Variants in RALYL observed in about 807,000 individuals in gnomAD.
RALYL encodes RALY RNA binding protein like, also known as RNA-binding Raly-like protein.
A neutral mutation model predicts 35.1 loss-of-function variants in RALYL; 29 were observed. That is an observed-to-expected ratio of 0.83 (90% CI 0.61 to 1.13). The LOEUF is 1.13. Ranked by LOEUF, RALYL falls within the 50% of genes most tolerant of loss-of-function variation. The probability of loss-of-function intolerance (pLI) is 0.00; values close to 1 mark genes in which losing one functional copy is unlikely to be tolerated. For missense variants in RALYL, 359 were observed against 360.4 expected, an observed-to-expected ratio of 1.00 and a Z score of 0.03; for synonymous variants, 120 against 127.6, an observed-to-expected ratio of 0.94 and a Z score of 0.40.
At chr8:84,561,322 A>T (rs1564148317) in intron 2 of RALYL, among the ~76,000 whole-genome samples, 2 of 152,030 alleles carry the variant, frequency 1.3e-5, no homozygotes, top group Non-Finnish European at 2.9e-5. Flanking sequence ...AGTTACCAGG[A>T]GTGAGACTGG....
intron 1 of RALYL, among the ~76,000 whole-genome samples, chr8:84,469,881 G>C (rs555359634): frequency 6.6e-6 from 1 of 152,258 alleles, no homozygotes; most frequent in South Asian, 2.1e-4. Context: ...CGCAGTATTC[G>C]GGTGGGAGTG....
At chr8:84,878,628 T>G (rs1841636188) in intron 7 of RALYL, among the ~76,000 whole-genome samples, 1 of 150,132 alleles carries the variant, frequency 6.7e-6, no homozygotes, top group African/African-American at 2.4e-5. Context: ...ACTAATACCC[T>G]CAGAGAAATG....
chr8:84,721,401 A>T (rs547982740), intron 2 of RALYL, among the ~76,000 whole-genome samples: 1 of 152,248 alleles, frequency 6.6e-6, no homozygotes, highest in South Asian at 2.1e-4. Context: ...TCATCAACAG[A>T]TGAATAAACA....
At position 84,921,173 on chromosome 8, in the gene RALYL, A is replaced by T. The variant is rs1849276026; in HGVS notation, c.*262A>T. On this transcript the variant is annotated 3_prime_UTR_variant, in exon 9 of 9. Coordinates refer to ENST00000521268, the MANE Select transcript of RALYL (RefSeq NM_173848.7). ...ATTATGTTTTTTTTTTCAGTCTTAA[A>T]ATGTGAAAGGCATTTATGAATGGTA... is the stretch of plus-strand genomic sequence containing the variant. 3.4e-6 allele frequency: 1 copy of T among 298,174 alleles called. No homozygotes were observed. Among genetic ancestry groups the T allele is most frequent in the Non-Finnish European group, 6.1e-6 (1 of 163,320 alleles). 18.5% of individuals were successfully genotyped at this position (298,174 alleles called of 1,614,324 possible).
intron 2 of RALYL, among the ~76,000 whole-genome samples, chr8:84,567,340 T>G (rs2061849950): frequency 6.6e-6 from 1 of 151,766 alleles, no homozygotes; most frequent in Non-Finnish European, 1.5e-5. Context: ...ACCCAGTAGG[T>G]AATTTTTCAA....
intron 2 of RALYL, among the ~76,000 whole-genome samples, chr8:84,687,623 A>T (rs1356660196): frequency 6.6e-6 from 1 of 152,134 alleles, no homozygotes; most frequent in Admixed American, 6.6e-5. Context: ...TAATTTAAAA[A>T]ATGTGTTGCA....
intron 1 of RALYL, among the ~76,000 whole-genome samples, chr8:84,410,761 T>A (rs1325021013): frequency 6.6e-6 from 1 of 151,738 alleles, no homozygotes; most frequent in Non-Finnish European, 1.5e-5. Flanking sequence ...GTTGCATGTA[T>A]ATTATCACTG....
In RALYL at chr8:84,463,074, C is replaced by A. The variant is rs1016157844; in HGVS notation, c.-23-66225C>A. Among the ~76,000 whole-genome samples the A allele has an allele frequency of 2.0e-5, 3 of 151,930 alleles. No homozygotes were observed. The South Asian group carries it at 6.2e-4, about 31-fold the overall frequency. ...TACAAATATTTGTACTCTTAAATGT[C>A]ATTGACTTTCATATTTGTTAGAGTG... On this transcript the variant is annotated intron_variant, in intron 1 of 8. Transcript: ENST00000521268.
chr8:84,753,640 G>A (rs562216857), intron 2 of RALYL, among the ~76,000 whole-genome samples: 1 of 152,094 alleles, frequency 6.6e-6, no homozygotes, highest in Non-Finnish European at 1.5e-5. Context: ...AGATCTGATT[G>A]TTTAAAAGTG....
intron 8 of RALYL, among the ~76,000 whole-genome samples, chr8:84,911,299 G>C (rs992158782): frequency 3.5e-4 from 53 of 152,054 alleles, no homozygotes; most frequent in African/African-American, 1.2e-3. Context: ...TCCTATGCAA[G>C]ATATGGTATT....
At chr8:84,659,654 G>A (rs1180292588) in intron 2 of RALYL, among the ~76,000 whole-genome samples, 2 of 152,200 alleles carry the variant, frequency 1.3e-5, no homozygotes, top group African/African-American at 4.8e-5. Flanking sequence ...TGGACTAGGA[G>A]TAGGTGGAGG....
intron 2 of RALYL, among the ~76,000 whole-genome samples, chr8:84,602,426 G>C (rs1415613978): frequency 6.6e-6 from 1 of 151,994 alleles, no homozygotes; most frequent in Non-Finnish European, 1.5e-5. Context: ...AGCTTTTGCA[G>C]TATTTCTCAT....
rs1274038770 is a variant in RALYL at position 84,468,240 on chromosome 8, G to A, written c.-23-61059G>A. On this transcript the variant is annotated intron_variant, in intron 1 of 8. Coordinates refer to ENST00000521268, the MANE Select transcript of RALYL (RefSeq NM_173848.7). ...GTTGATGCAGTTTCTTCCTAGTCTC[G>A]ATGGTCTTTACATTTTGGCATGATT... 1.3e-4 allele frequency among the ~76,000 whole-genome samples: 20 copies of A among 151,892 alleles called. No individual in the cohort carries two copies. The East Asian group carries it at 2.9e-3, about 22-fold the overall frequency.
chr8:84,526,727 C>T (rs2058928275), intron 1 of RALYL, among the ~76,000 whole-genome samples: 1 of 152,208 alleles, frequency 6.6e-6, no homozygotes, highest in Admixed American at 6.5e-5. Flanking sequence ...ATCTCCTCAA[C>T]TCAGTAGGGT....
At position 84,866,368 on chromosome 8, in the gene RALYL, T is replaced by A. The variant is rs1013912777; in HGVS notation, c.571+3915T>A. Among the ~76,000 whole-genome samples, 9 of 152,312 alleles carry A rather than the reference T, an allele frequency of 5.9e-5. 1 individual carries two copies. The highest frequency in any genetic ancestry group is 5.9e-4 in the Admixed American group (9 of 15,304). Reference sequence around the variant, plus strand: ...TACCTGGAAATTGAAAATAATATACTGTGTATCCAATAGTTATTGTAAGAA... The same window carrying A: ...TACCTGGAAATTGAAAATAATATACAGTGTATCCAATAGTTATTGTAAGAA... On this transcript the variant is annotated intron_variant, in intron 6 of 8. Coordinates refer to ENST00000521268, the MANE Select transcript of RALYL (RefSeq NM_173848.7).
At chr8:84,560,983 G>C (rs1490462530) in intron 2 of RALYL, among the ~76,000 whole-genome samples, 1 of 151,934 alleles carries the variant, frequency 6.6e-6, no homozygotes, top group Non-Finnish European at 1.5e-5. Context: ...GTTGAATTTA[G>C]GGAACCACTG....
At chr8:84,574,428 C>G (rs1447054285) in intron 2 of RALYL, among the ~76,000 whole-genome samples, 1 of 152,026 alleles carries the variant, frequency 6.6e-6, no homozygotes, top group Non-Finnish European at 1.5e-5. Context: ...ATTTTTGGAT[C>G]TCTTTTTCCA....
intron 1 of RALYL, among the ~76,000 whole-genome samples, chr8:84,347,921 T>C (rs1290756572): frequency 1.3e-5 from 2 of 152,034 alleles, no homozygotes; most frequent in Non-Finnish European, 2.9e-5. Context: ...TTCAGAGAGC[T>C]CTCCCCAGTA....
chr8:84,578,763 A>T (rs1394514272), intron 2 of RALYL, among the ~76,000 whole-genome samples: 4 of 152,118 alleles, frequency 2.6e-5, no homozygotes, highest in Non-Finnish European at 4.4e-5. Flanking sequence ...AGTCAAGGAG[A>T]CCTGAAGTGG....
Sources: gnomAD v4.1 joint callset for allele counts (sites outside exome capture counted in the v4.1 genomes callset) on GRCh38, gnomAD v4.1.1 for gene constraint, MANE v1.5 for transcripts, NCBI Gene and HGNC (gene_info 2026-07-23, HGNC 2026-07-21) for gene names.